The following SLC4A10 variants were observed in gnomAD, a reference collection of about 807,000 sequenced individuals.
SLC4A10 encodes the protein solute carrier family 4 member 10, also known as sodium-driven chloride bicarbonate exchanger.
A neutral mutation model predicts 137.7 loss-of-function variants in SLC4A10; 42 were observed. That is an observed-to-expected ratio of 0.30 (90% CI 0.24 to 0.39). The LOEUF is 0.39. SLC4A10 is among the 10% of genes least tolerant of loss of function. The pLI, the probability that SLC4A10 is intolerant of heterozygous loss-of-function variation, is 1.00. For missense variants in SLC4A10, 925 were observed against 1,355.0 expected, an observed-to-expected ratio of 0.68 and a Z score of 4.98; for synonymous variants, 474 against 464.1, an observed-to-expected ratio of 1.02 and a Z score of -0.27.
At chr2:161,809,133 T>G (rs1041885241) in intron 3 of SLC4A10, among the ~76,000 whole-genome samples, 1 of 152,082 alleles carries the variant, frequency 6.6e-6, no homozygotes, top group Non-Finnish European at 1.5e-5. Flanking sequence ...GGTATCTCAT[T>G]GTGGTTTTGA....
intron 1 of SLC4A10, among the ~76,000 whole-genome samples, chr2:161,639,086 G>T (rs2034905657): frequency 6.6e-6 from 1 of 152,104 alleles, no homozygotes; most frequent in Non-Finnish European, 1.5e-5. Context: ...TCATGAAGAA[G>T]TAGACAACCA....
At chr2:161,719,428 G>T (rs923764573) in intron 1 of SLC4A10, among the ~76,000 whole-genome samples, 2 of 152,268 alleles carry the variant, frequency 1.3e-5, no homozygotes, top group Non-Finnish European at 2.9e-5. Flanking sequence ...GTAATGGGAT[G>T]GCTGGGTCAA....
intron 1 of SLC4A10, among the ~76,000 whole-genome samples, chr2:161,708,464 A>C (rs752246147): frequency 1.1e-4 from 17 of 151,610 alleles, no homozygotes; most frequent in Non-Finnish European, 2.1e-4. Flanking sequence ...GAAATGGGAA[A>C]TCTGAAGGAT....
chr2:161,879,070 A>C, intron 8 of SLC4A10, 61 bp from the exon 9 acceptor site: 2 of 1,507,142 alleles, frequency 1.3e-6, no homozygotes, highest in Non-Finnish European at 1.8e-6. Context: ...ACTGTGCAAG[A>C]ATATGATTTA....
chr2:161,765,229 T>C (rs1411893070), intron 1 of SLC4A10, among the ~76,000 whole-genome samples: 7 of 152,158 alleles, frequency 4.6e-5, no homozygotes, highest in Non-Finnish European at 8.8e-5. Flanking sequence ...AGATATAAAA[T>C]GTATTTCTCA....
intron 1 of SLC4A10, among the ~76,000 whole-genome samples, chr2:161,651,465 C>T (rs1280031853): frequency 1.3e-5 from 2 of 152,174 alleles, no homozygotes; most frequent in African/African-American, 4.8e-5. Flanking sequence ...CTGCAACATG[C>T]CCCCCTGCTT....
Position 161,865,251 on chromosome 2 carries a change from C to T in SLC4A10, c.766+2189C>T, listed in dbSNP as rs190476405. On this transcript the variant is annotated intron_variant, in intron 6 of 26. Coordinates refer to ENST00000446997, the MANE Select transcript of SLC4A10 (RefSeq NM_001178015.2). ...GATCTAGGCACACTGTTTGTTACTG[C>T]TTTAAACTTCTATTAAACATTAGAA... Among the ~76,000 whole-genome samples, 59 of 151,792 alleles carry T rather than the reference C, an allele frequency of 3.9e-4. 2 individuals carry two copies. In the South Asian group the frequency reaches 0.011, roughly 27 times the overall value.
intron 3 of SLC4A10, among the ~76,000 whole-genome samples, chr2:161,815,382 C>G (rs2056952280): frequency 6.6e-6 from 1 of 152,104 alleles, no homozygotes; most frequent in South Asian, 2.1e-4. Context: ...CTCGCTCGCT[C>G]TTCTGCCGCC....
intron 14 of SLC4A10, 77 bp from the exon 15 acceptor site, chr2:161,905,565 T>C: frequency 6.6e-7 from 1 of 1,508,446 alleles, no homozygotes; most frequent in Non-Finnish European, 8.9e-7. Context: ...GAATGAGGTT[T>C]ATTTTCATTT....
chr2:161,959,604 A>T (rs1433972296), intron 21 of SLC4A10, among the ~76,000 whole-genome samples: 1 of 152,200 alleles, frequency 6.6e-6, no homozygotes, highest in Non-Finnish European at 1.5e-5. Context: ...AGTGAGCAAT[A>T]TAAAAGAGAG....
At chr2:161,790,640 A>G (rs1222454730) in intron 2 of SLC4A10, among the ~76,000 whole-genome samples, 1 of 152,222 alleles carries the variant, frequency 6.6e-6, no homozygotes, top group Non-Finnish European at 1.5e-5. Flanking sequence ...TTATTTCAGA[A>G]AATACAGCCA....
intron 6 of SLC4A10, among the ~76,000 whole-genome samples, 152 bp from the exon 7 acceptor site, chr2:161,872,141 A>C (rs1398295090): frequency 6.6e-6 from 1 of 152,180 alleles, no homozygotes; most frequent in Non-Finnish European, 1.5e-5. Flanking sequence ...TGTTTGTATT[A>C]ATATAGATTT....
At chr2:161,746,480 A>G (rs1423373987) in intron 1 of SLC4A10, among the ~76,000 whole-genome samples, 1 of 151,852 alleles carries the variant, frequency 6.6e-6, no homozygotes, top group Non-Finnish European at 1.5e-5. Context: ...CTCTCACTTC[A>G]GGGCGCAGGT....
At chr2:161,711,052 A>C (rs922589208) in intron 1 of SLC4A10, among the ~76,000 whole-genome samples, 2 of 151,862 alleles carry the variant, frequency 1.3e-5, no homozygotes, top group African/African-American at 4.8e-5. Flanking sequence ...AGATAAATGA[A>C]GGCTTAGGTC....
intron 1 of SLC4A10, among the ~76,000 whole-genome samples, chr2:161,650,005 A>G (rs891805727): frequency 1.3e-5 from 2 of 152,226 alleles, no homozygotes; most frequent in African/African-American, 4.8e-5. Context: ...AGGAATTAAC[A>G]TTGGTGTATT....
intron 15 of SLC4A10, among the ~76,000 whole-genome samples, chr2:161,932,318 G>A (rs1690549624): frequency 2.6e-5 from 4 of 152,116 alleles, no homozygotes; most frequent in Admixed American, 6.5e-5. Flanking sequence ...TAAAACCAAA[G>A]CAAGACATTC....
chr2:161,935,934 G>A (rs1044548668), intron 15 of SLC4A10, among the ~76,000 whole-genome samples: 3 of 152,036 alleles, frequency 2.0e-5, no homozygotes, highest in African/African-American at 7.2e-5. Context: ...ATCACATGTG[G>A]TCTTTATTGT....
At chr2:161,715,548 T>A (rs2044764268) in intron 1 of SLC4A10, among the ~76,000 whole-genome samples, 1 of 152,066 alleles carries the variant, frequency 6.6e-6, no homozygotes, top group African/African-American at 2.4e-5. Context: ...CCTGCCTGTG[T>A]CCATGTGTTC....
intron 1 of SLC4A10, among the ~76,000 whole-genome samples, chr2:161,725,248 G>A (rs1363026381): frequency 6.6e-6 from 1 of 152,150 alleles, no homozygotes; most frequent in Non-Finnish European, 1.5e-5. Flanking sequence ...ATGGCACATT[G>A]ACTAGAAGCA....
Sources: gnomAD v4.1 joint callset for allele counts (sites outside exome capture counted in the v4.1 genomes callset) on GRCh38, gnomAD v4.1.1 for gene constraint, MANE v1.5 for transcripts, NCBI Gene and HGNC (gene_info 2026-07-23, HGNC 2026-07-21) for gene names.